Variants in ATP2B4 observed in about 807,000 individuals in gnomAD.
ATP2B4 encodes plasma membrane calcium-transporting ATPase 4.
Under a neutral mutation model 110.3 loss-of-function variants are expected in ATP2B4, and 39 were observed. The observed-to-expected ratio is 0.35, with a 90% confidence interval of 0.27 to 0.46. The LOEUF is 0.46. Ranked by LOEUF, ATP2B4 falls within the 20% of genes least tolerant of loss-of-function variation. The pLI is 1.00. For synonymous variants in ATP2B4, 538 were observed against 571.7 expected, an observed-to-expected ratio of 0.94 and a Z score of 0.84; for missense variants, 1,135 against 1,530.9, an observed-to-expected ratio of 0.74 and a Z score of 4.32.
At chr1:203,723,158 TAGTC>T (rs1263692751) in intron 18 of ATP2B4, among the ~76,000 whole-genome samples, 5 of 151,978 alleles carry the variant, frequency 3.3e-5, no homozygotes, top group Admixed American at 2.6e-4. Context: ...GTATATTACA[TAGTC>T]AGCCCAGCTT....
chr1:203,734,547 A>T (rs1666826599), intron 20 of ATP2B4, among the ~76,000 whole-genome samples: 2 of 151,872 alleles, frequency 1.3e-5, no homozygotes, highest in Admixed American at 1.3e-4. Flanking sequence ...TCTCTACAAA[A>T]ATACAAAAAT....
chr1:203,677,956 G>A (rs1270786470), intron 1 of ATP2B4, among the ~76,000 whole-genome samples: 1 of 152,242 alleles, frequency 6.6e-6, no homozygotes, highest in African/African-American at 2.4e-5. Context: ...GAAGGACAGA[G>A]TAGGGCAGGG....
rs757539590 is a variant in ATP2B4, at chr1:203,741,386, G to A, written c.*1532G>A. ...CTCTCAGGAGTTGGGGACTTTGCTAGGAGATTTTTTAAGTGTTCCTTACTG... is the reference window on the plus strand; with the variant it reads ...CTCTCAGGAGTTGGGGACTTTGCTAAGAGATTTTTTAAGTGTTCCTTACTG... On this transcript the variant is annotated 3_prime_UTR_variant, in exon 21 of 21. Transcript: ENST00000357681. 6.6e-6 allele frequency: 1 copy of A among 152,608 alleles called. No homozygotes were observed. Among genetic ancestry groups the A allele is most frequent in the African/African-American group, 2.4e-5 (1 of 41,430 alleles). The allele number at this position is 152,608 out of a possible 1,614,324, so 9.5% of individuals were successfully genotyped here.
At chr1:203,720,934 C>T (rs1428909500) in intron 16 of ATP2B4, among the ~76,000 whole-genome samples, 194 bp downstream of exon 16, 3 of 152,194 alleles carry the variant, frequency 2.0e-5, no homozygotes, top group Non-Finnish European at 2.9e-5. Flanking sequence ...TAGCTTAGCA[C>T]TTATGTGTCA....
intron 20 of ATP2B4, among the ~76,000 whole-genome samples, chr1:203,735,002 C>CAAGAA (rs1666841781): frequency 1.8e-5 from 1 of 57,132 alleles, no homozygotes; most frequent in Non-Finnish European, 3.0e-5. Flanking sequence ...GACTCCATCT[C>CAAGAA]AAAAAAAAAA....
chr1:203,682,409 CATT>C (rs1373495253), intron 1 of ATP2B4, among the ~76,000 whole-genome samples: 1 of 152,178 alleles, frequency 6.6e-6, no homozygotes, highest in Non-Finnish European at 1.5e-5. Flanking sequence ...ACAGGGAAAA[CATT>C]AGAGCCATCA....
intron 2 of ATP2B4, among the ~76,000 whole-genome samples, chr1:203,697,218 C>G (rs572411069): frequency 1.3e-5 from 2 of 152,178 alleles, no homozygotes; most frequent in Non-Finnish European, 2.9e-5. Flanking sequence ...GGAATGCCCA[C>G]AAGTTATAGT....
rs35019828 is a variant in ATP2B4, at chr1:203,704,467, C to CTTTTTTTT, written c.1099+678_1099+685dup. Among the ~76,000 whole-genome samples, 84 of 68,788 alleles carry CTTTTTTTT rather than the reference C, an allele frequency of 1.2e-3. 12 individuals carry two copies. The highest frequency in any genetic ancestry group is 2.7e-3 in the African/African-American group (39 of 14,534). 45.1% of individuals were successfully genotyped at this position (68,788 alleles called of 152,430 possible). A position where few individuals can be genotyped will look rare whatever the true frequency, so the allele number is the denominator to read the frequency against. ...GTGGACATATCTCTCAAGGAACAGT[C>CTTTTTTTT]TTTTTTTTTTTTTTTTTTTTTTTTT... is the stretch of plus-strand genomic sequence containing the variant. On this transcript the variant is annotated intron_variant, in intron 8 of 20. Transcript: ENST00000357681.
chr1:203,738,676 AG>A (rs1279696155), intron 20 of ATP2B4, among the ~76,000 whole-genome samples: 1 of 151,946 alleles, frequency 6.6e-6, no homozygotes, highest in Non-Finnish European at 1.5e-5. Flanking sequence ...GGAAACAGCT[AG>A]AGAAAGCAGC....
At chr1:203,664,704 G>A (rs1047535955) in intron 1 of ATP2B4, among the ~76,000 whole-genome samples, 9 of 152,192 alleles carry the variant, frequency 5.9e-5, no homozygotes, top group Non-Finnish European at 1.3e-4. Context: ...TCTGGCTCTG[G>A]TGCATCCCCA....
chr1:203,713,534 A>G (rs142013697), intron 14 of ATP2B4, among the ~76,000 whole-genome samples: 2,396 of 152,014 alleles, frequency 0.016, 70 homozygotes, highest in African/African-American at 0.056. Flanking sequence ...GTGCAATCTC[A>G]GCTCACTGCA....
At chr1:203,689,310 T>C (rs762921417) in intron 2 of ATP2B4, among the ~76,000 whole-genome samples, 2 of 152,248 alleles carry the variant, frequency 1.3e-5, no homozygotes, top group Non-Finnish European at 2.9e-5. Context: ...GTAGAGGTTA[T>C]ACGTGTTCTT....
intron 20 of ATP2B4, 94 bp from the exon 21 acceptor site, chr1:203,739,451 GT>G: frequency 2.3e-6 from 3 of 1,285,520 alleles, no homozygotes; most frequent in Non-Finnish European, 1.1e-6. Context: ...TATAGTCTGG[GT>G]TTTGTTTCTC....
At position 203,735,496 on chromosome 1, in the gene ATP2B4, C is replaced by T. The variant is rs72745733; in HGVS notation, c.3310-4050C>T. ...TCCCCCATTCCCAACCTCACCACCCCCCACCCCGACCTCTGCAAAGGGGCT... is the reference window on the plus strand; with the variant it reads ...TCCCCCATTCCCAACCTCACCACCCTCCACCCCGACCTCTGCAAAGGGGCT... On this transcript the variant is annotated intron_variant, in intron 20 of 20. Transcript: ENST00000357681. Among the ~76,000 whole-genome samples, 915 of 152,252 alleles carry T rather than the reference C, an allele frequency of 6.0e-3. 11 individuals carry two copies. Among genetic ancestry groups the T allele is most frequent in the Non-Finnish European group, 8.5e-3 (578 of 68,012 alleles).
At position 203,669,097 on chromosome 1, in the gene ATP2B4, A is replaced by G. The variant is rs558055200; in HGVS notation, c.-464-13645A>G. ...CCTACAAACCTCCGACCACCATCCC[A>G]CCATTCTTCCAGGTTTTGCCTTGGA... is the stretch of plus-strand genomic sequence containing the variant. On this transcript the variant is annotated intron_variant, in intron 1 of 20. Coordinates refer to ENST00000357681, the MANE Select transcript of ATP2B4 (RefSeq NM_001684.5). Among the ~76,000 whole-genome samples, 4 of 152,264 alleles carry G rather than the reference A, an allele frequency of 2.6e-5. No homozygotes were observed. In the East Asian group the frequency reaches 7.7e-4, roughly 29 times the overall value.
chr1:203,665,349 G>A (rs1664472757), intron 1 of ATP2B4, among the ~76,000 whole-genome samples: 1 of 152,236 alleles, frequency 6.6e-6, no homozygotes, highest in Non-Finnish European at 1.5e-5. Flanking sequence ...CTCTCCTGCA[G>A]CAGCTTGATG....
intron 1 of ATP2B4, among the ~76,000 whole-genome samples, chr1:203,643,232 G>T (rs1023007946): frequency 1.3e-5 from 2 of 152,182 alleles, no homozygotes; most frequent in African/African-American, 4.8e-5. Flanking sequence ...GGAGGGTAGA[G>T]AGCTGCAACC....
intron 1 of ATP2B4, among the ~76,000 whole-genome samples, chr1:203,653,342 C>T (rs1024062332): frequency 1.3e-5 from 2 of 152,164 alleles, no homozygotes; most frequent in Non-Finnish European, 2.9e-5. Context: ...GTCTCCACAA[C>T]GTAAAGGTGA....
At chr1:203,713,401 C>A (rs1245209031) in intron 14 of ATP2B4, 149 bp downstream of exon 14, 1 of 721,182 alleles carries the variant, frequency 1.4e-6, no homozygotes, top group Non-Finnish European at 2.4e-6. Flanking sequence ...ATACAGTTAG[C>A]AAACATCTGA....
Sources: allele counts gnomAD v4.1 joint callset (sites outside exome capture counted in the v4.1 genomes callset), GRCh38; gene constraint gnomAD v4.1.1; transcripts MANE v1.5; gene names NCBI Gene and HGNC (gene_info 2026-07-23, HGNC 2026-07-21).